The following SYN3 variants were observed in gnomAD, a reference collection of about 807,000 sequenced individuals.
SYN3 encodes the protein synapsin-3.
SYN3 carries 35 observed loss-of-function variants against 65.8 expected under a neutral mutation model. That is an observed-to-expected ratio of 0.53 (90% CI 0.41 to 0.70). SYN3 has a LOEUF of 0.70. SYN3 is among the 30% of genes least tolerant of loss of function. The pLI, the probability that SYN3 is intolerant of heterozygous loss-of-function variation, is 0.00. For synonymous variants in SYN3, 270 were observed against 292.9 expected (o/e 0.92, Z 0.80); for missense variants, 680 against 749.0 (o/e 0.91, Z 1.08).
Position 32,757,056 on chromosome 22 carries a change from T to TG in SYN3, c.711+107858_711+107859insC, listed in dbSNP as rs1569199986. Among the ~76,000 whole-genome samples, 104 of 49,698 alleles carry TG rather than the reference T, an allele frequency of 2.1e-3. 1 individual carries two copies. The highest frequency in any genetic ancestry group is 0.011 in the African/African-American group (85 of 7,582). 32.6% of individuals were successfully genotyped at this position (49,698 alleles called of 152,430 possible). ...ATTGACACAGTGGTTGCACTTTTTT[T>TG]TGAGGGGGGGTGGTTTGGAGGAAAA... On this transcript the variant is annotated intron_variant, in intron 6 of 13. Transcript: ENST00000358763.
At chr22:32,903,355 T>G (rs1202210332) in intron 4 of SYN3, among the ~76,000 whole-genome samples, 4 of 152,300 alleles carry the variant, frequency 2.6e-5, no homozygotes, top group African/African-American at 7.2e-5. Flanking sequence ...TACACATTCG[T>G]TTTTTTAAAA....
At chr22:32,834,774 A>C (rs1165871505) in intron 6 of SYN3, among the ~76,000 whole-genome samples, 1 of 152,142 alleles carries the variant, frequency 6.6e-6, no homozygotes, top group Non-Finnish European at 1.5e-5. Context: ...TATGATTCCT[A>C]TCTGGTACAG....
intron 4 of SYN3, among the ~76,000 whole-genome samples, chr22:32,892,766 A>G (rs369816433): frequency 6.6e-6 from 1 of 152,258 alleles, no homozygotes; most frequent in East Asian, 1.9e-4. Flanking sequence ...GAGGATGAAG[A>G]GTTCTTTGTC....
At chr22:32,886,860 G>C (rs563298480) in intron 4 of SYN3, among the ~76,000 whole-genome samples, 50 of 152,334 alleles carry the variant, frequency 3.3e-4, no homozygotes, top group African/African-American at 1.2e-3. Flanking sequence ...GTTACGTGCT[G>C]CCAAGTATGG....
intron 4 of SYN3, among the ~76,000 whole-genome samples, chr22:32,918,912 A>T (rs2050260995): frequency 6.6e-6 from 1 of 152,234 alleles, no homozygotes; most frequent in Non-Finnish European, 1.5e-5. Context: ...GCCGGGATCC[A>T]GCCCAGGCGG....
chr22:32,725,092 G>A (rs932567524), intron 6 of SYN3, among the ~76,000 whole-genome samples: 2 of 152,186 alleles, frequency 1.3e-5, no homozygotes, highest in African/African-American at 4.8e-5. Flanking sequence ...ACTCCAGCCT[G>A]GGTGACAGGG....
In SYN3 at chr22:33,042,843, T is replaced by C. The variant is rs146846803; in HGVS notation, c.-163+15449A>G. Among the ~76,000 whole-genome samples the C allele has an allele frequency of 4.7e-4, 71 of 152,250 alleles. No individual in the cohort carries two copies. The East Asian group carries it at 0.01, about 22-fold the overall frequency. ...GCTCTCCCACCCCTAAACTGTGCCA[T>C]GATTAGCTAAAGTAGTGCTCCATGA... On this transcript the variant is annotated intron_variant, in intron 1 of 13. Coordinates refer to ENST00000358763, the MANE Select transcript of SYN3 (RefSeq NM_003490.4).
chr22:32,847,671 T>A (rs2048106538), intron 6 of SYN3, among the ~76,000 whole-genome samples: 1 of 152,184 alleles, frequency 6.6e-6, no homozygotes, highest in South Asian at 2.1e-4. Context: ...TGAGGAAGGA[T>A]AATGGAGCTA....
At chr22:33,002,372 G>A (rs5754371) in intron 2 of SYN3, among the ~76,000 whole-genome samples, 67,858 of 152,008 alleles carry the variant, frequency 0.45, 15,442 homozygotes, top group Middle Eastern at 0.54. Context: ...CACCAGGTGC[G>A]GTGGCTCACA....
At chr22:32,639,295 G>A (rs2059863347) in intron 6 of SYN3, among the ~76,000 whole-genome samples, 1 of 152,160 alleles carries the variant, frequency 6.6e-6, no homozygotes, top group African/African-American at 2.4e-5. Context: ...TAGGAGTCCA[G>A]TTTCATTCTT....
chr22:32,959,554 A>G lies in SYN3; in HGVS notation c.369+21091T>C, dbSNP rs151199610. Among the ~76,000 whole-genome samples, 62 of 151,446 alleles carry G rather than the reference A, an allele frequency of 4.1e-4. No individual in the cohort carries two copies. In the East Asian group the frequency reaches 0.011, roughly 26 times the overall value. ...TGACAGAGTGAGACACTGTCTCAGA[A>G]AAAAAAAAGAATTACTTTTCAAGAG... On this transcript the variant is annotated intron_variant, in intron 3 of 13. Coordinates refer to ENST00000358763, the MANE Select transcript of SYN3 (RefSeq NM_003490.4).
intron 3 of SYN3, among the ~76,000 whole-genome samples, chr22:32,941,571 C>T (rs1386294941): frequency 6.6e-6 from 1 of 150,670 alleles, no homozygotes; most frequent in Non-Finnish European, 1.5e-5. Context: ...GTACCAGGTT[C>T]ATCTCACTGG....
In SYN3 at chr22:32,515,064, T is replaced by C. The variant is rs542967239; in HGVS notation, c.1611-1240A>G. 2.7e-3 allele frequency among the ~76,000 whole-genome samples: 416 copies of C among 152,194 alleles called. 2 individuals are homozygous for C. Among genetic ancestry groups the C allele is most frequent in the African/African-American group, 9.8e-3 (406 of 41,526 alleles). On this transcript the variant is annotated intron_variant, in intron 13 of 13. Transcript: ENST00000358763. ...GGGACTTCAACGCAGGGACTGTCTT[T>C]TACTCCTTGCTTATTACCCCTCAGA...
intron 7 of SYN3, among the ~76,000 whole-genome samples, chr22:32,551,764 T>C (rs775214508): frequency 5.3e-5 from 8 of 152,170 alleles, no homozygotes; most frequent in Non-Finnish European, 8.8e-5. Context: ...TTCACTGAAA[T>C]ATTTATGGGT....
chr22:32,914,898 G>A (rs1267110992), intron 4 of SYN3, among the ~76,000 whole-genome samples: 2 of 152,210 alleles, frequency 1.3e-5, no homozygotes, highest in African/African-American at 4.8e-5. Flanking sequence ...CAAGCAAGGA[G>A]TGGGGCTCAA....
intron 6 of SYN3, among the ~76,000 whole-genome samples, chr22:32,763,247 C>T (rs1238766133): frequency 2.0e-5 from 3 of 151,956 alleles, no homozygotes; most frequent in Non-Finnish European, 2.9e-5. Flanking sequence ...CCCGGGTTCA[C>T]GCCATTCTCC....
chr22:33,039,029 C>T (rs2053912791), intron 1 of SYN3, among the ~76,000 whole-genome samples: 1 of 152,176 alleles, frequency 6.6e-6, no homozygotes, highest in Non-Finnish European at 1.5e-5. Flanking sequence ...CCCAGGGCCC[C>T]TTCTCCATAA....
intron 6 of SYN3, among the ~76,000 whole-genome samples, chr22:32,667,799 T>TTTCTTTC (rs1555920146): frequency 7.2e-6 from 1 of 138,784 alleles, no homozygotes; most frequent in Non-Finnish European, 1.6e-5. Context: ...TCTTTCTTTC[T>TTTCTTTC]TTTTTTTTTT....
chr22:32,850,579 G>A (rs2048190435), intron 6 of SYN3, among the ~76,000 whole-genome samples: 1 of 152,140 alleles, frequency 6.6e-6, no homozygotes, highest in African/African-American at 2.4e-5. Flanking sequence ...GGGAGATACA[G>A]TTTCCATCTT....
Sources: allele counts gnomAD v4.1 joint callset (sites outside exome capture counted in the v4.1 genomes callset), GRCh38; gene constraint gnomAD v4.1.1; transcripts MANE v1.5; gene names NCBI Gene and HGNC (gene_info 2026-07-23, HGNC 2026-07-21).